Variants in GPHN observed in about 807,000 individuals in gnomAD.
GPHN encodes the protein gephyrin.
In GPHN, 17 loss-of-function variants were observed where a neutral mutation model predicts 95.5. The ratio of observed to expected loss-of-function variants is 0.18; its 90% confidence interval spans 0.12 to 0.27. The LOEUF is 0.27. GPHN is among the 10% of genes least tolerant of loss of function. The pLI is 1.00. For synonymous variants in GPHN, 320 were observed against 322.5 expected (o/e 0.99, Z 0.08); for missense variants, 660 against 978.1 (o/e 0.67, Z 4.34).
the GPHN span, among the ~76,000 whole-genome samples, chr14:67,597,960 T>C: frequency 1.3e-5 from 2 of 152,074 alleles, no homozygotes; most frequent in Non-Finnish European, 2.9e-5. Flanking sequence ...CAAGAAGGAA[T>C]GAAGGGATGA....
chr14:66,697,063 T>G lies in GPHN; in HGVS notation c.143+15878T>G, dbSNP rs373473391. Among the ~76,000 whole-genome samples, 4 of 152,320 alleles carry G rather than the reference T, an allele frequency of 2.6e-5. No individual in the cohort carries two copies. In the East Asian group the frequency reaches 7.7e-4, roughly 29 times the overall value. ...AAACAAAATTTCTACACACTAATAT[T>G]TTACATTTGAATACATGTGTAAATT... is the stretch of plus-strand genomic sequence containing the variant. On this transcript the variant is annotated intron_variant, in intron 2 of 22. Coordinates refer to ENST00000478722, the MANE Select transcript of GPHN (RefSeq NM_020806.5).
At chr14:66,810,105 C>G (rs906471773) in intron 3 of GPHN, among the ~76,000 whole-genome samples, 1 of 151,896 alleles carries the variant, frequency 6.6e-6, no homozygotes, top group South Asian at 2.1e-4. Context: ...ACACAGAAGT[C>G]TTGGCTAAAG....
At chr14:67,631,814 G>A in the GPHN span, among the ~76,000 whole-genome samples, 2 of 151,924 alleles carry the variant, frequency 1.3e-5, no homozygotes, top group Admixed American at 6.6e-5. Context: ...TCCTGTCTTG[G>A]TTGGCAGTCT....
intron 1 of GPHN, among the ~76,000 whole-genome samples, chr14:66,640,861 T>C (rs2064356471): frequency 6.6e-6 from 1 of 152,212 alleles, no homozygotes; most frequent in South Asian, 2.1e-4. Flanking sequence ...CTCAGTTGTA[T>C]CTGTAGTAAA....
chr14:67,622,180 G>A, the GPHN span, among the ~76,000 whole-genome samples: 6 of 152,174 alleles, frequency 3.9e-5, no homozygotes, highest in Non-Finnish European at 8.8e-5. Context: ...CATTTGCTCT[G>A]TTCATGTTTG....
chr14:67,154,414 T>G (rs1304115301), intron 18 of GPHN, among the ~76,000 whole-genome samples: 1 of 152,210 alleles, frequency 6.6e-6, no homozygotes, highest in African/African-American at 2.4e-5. Context: ...TTGGTTTACT[T>G]GTTTTTGGCT....
At chr14:67,310,656 CT>C in the GPHN span, among the ~76,000 whole-genome samples, 1 of 152,128 alleles carries the variant, frequency 6.6e-6, no homozygotes, top group Non-Finnish European at 1.5e-5. Context: ...TTGCTGGTAG[CT>C]GTTTAACTTT....
the GPHN span, chr14:67,320,246 G>T: frequency 6.2e-7 from 1 of 1,611,524 alleles, no homozygotes; most frequent in African/African-American, 1.3e-5. Context: ...ACAACGAGGA[G>T]ATCTTAACCT....
chr14:67,195,713 TTG>T, the GPHN span, among the ~76,000 whole-genome samples: 75,060 of 142,668 alleles, frequency 0.53, 22,200 homozygotes, highest in Non-Finnish European at 0.7. Context: ...TTCTTTTTGG[TTG>T]TGTGTGTGTG....
At chr14:66,582,681 AG>A (rs1333669459) in intron 1 of GPHN, among the ~76,000 whole-genome samples, 1 of 152,092 alleles carries the variant, frequency 6.6e-6, no homozygotes, top group African/African-American at 2.4e-5. Context: ...GATGGTTTCC[AG>A]CTTCATCCAT....
the GPHN span, among the ~76,000 whole-genome samples, chr14:67,499,127 T>C: frequency 3.3e-5 from 5 of 152,212 alleles, no homozygotes; most frequent in Non-Finnish European, 5.9e-5. Context: ...CTTAGCCTCC[T>C]AAGTAGCTAG....
intron 1 of GPHN, among the ~76,000 whole-genome samples, chr14:66,583,211 T>C (rs1013717356): frequency 1.6e-4 from 25 of 152,284 alleles, no homozygotes; most frequent in African/African-American, 4.8e-4. Context: ...TCATATTCTT[T>C]GCCCACTTTT....
chr14:66,666,469 T>A (rs1221203205), intron 1 of GPHN, among the ~76,000 whole-genome samples: 1 of 151,812 alleles, frequency 6.6e-6, no homozygotes, highest in African/African-American at 2.4e-5. Context: ...GATGCAAACT[T>A]GGTTCATCAT....
At chr14:66,590,803 T>A (rs553338220) in intron 1 of GPHN, among the ~76,000 whole-genome samples, 1 of 152,124 alleles carries the variant, frequency 6.6e-6, no homozygotes, top group Non-Finnish European at 1.5e-5. Flanking sequence ...AACTCATTTT[T>A]TGAGACCAGT....
intron 11 of GPHN, among the ~76,000 whole-genome samples, chr14:67,083,602 A>T (rs1053503602): frequency 3.9e-5 from 6 of 152,228 alleles, no homozygotes; most frequent in Non-Finnish European, 8.8e-5. Context: ...GATATATTAC[A>T]AATTGAATAT....
chr14:67,200,207 T>C, the GPHN span: 4 of 1,105,898 alleles, frequency 3.6e-6, no homozygotes, highest in East Asian at 8.1e-5. Flanking sequence ...ATGCCCCCCA[T>C]GGATACACTG....
chr14:66,577,891 A>G (rs2060973784), intron 1 of GPHN, among the ~76,000 whole-genome samples: 1 of 152,164 alleles, frequency 6.6e-6, no homozygotes, highest in East Asian at 1.9e-4. Flanking sequence ...ATCTGGAACC[A>G]AGACACTTGG....
the GPHN span, among the ~76,000 whole-genome samples, chr14:67,216,598 A>G: frequency 2.0e-5 from 3 of 151,862 alleles, no homozygotes; most frequent in African/African-American, 7.3e-5. Flanking sequence ...CGTATATTGT[A>G]TTTCTATTTC....
intron 8 of GPHN, among the ~76,000 whole-genome samples, chr14:66,946,475 G>A (rs1010242298): frequency 8.6e-5 from 13 of 151,928 alleles, no homozygotes; most frequent in African/African-American, 2.4e-4. Context: ...ACACAATCTC[G>A]GCTCGCTGCA....
Sources: gnomAD v4.1 joint callset for allele counts (sites outside exome capture counted in the v4.1 genomes callset) on GRCh38, gnomAD v4.1.1 for gene constraint, MANE v1.5 for transcripts, NCBI Gene and HGNC (gene_info 2026-07-23, HGNC 2026-07-21) for gene names.